TMEM8B: variants seen among roughly 807,000 people sequenced by gnomAD.
TMEM8B encodes the protein nasopharyngeal carcinoma expressed 6.
In TMEM8B, 29 loss-of-function variants were observed where a neutral mutation model predicts 49.3. The ratio of observed to expected loss-of-function variants is 0.59; its 90% CI spans 0.44 to 0.80. TMEM8B has a LOEUF of 0.80. Among genes scored for constraint, TMEM8B ranks in the 30% least tolerant of loss-of-function variants. The probability of loss-of-function intolerance (pLI) is 0.00; values close to 1 mark genes in which losing one functional copy is unlikely to be tolerated. For synonymous variants in TMEM8B, 264 were observed against 272.8 expected, an observed-to-expected ratio of 0.97 and a Z score of 0.32; for missense variants, 575 against 658.5, an observed-to-expected ratio of 0.87 and a Z score of 1.39.
intron 1 of TMEM8B, among the ~76,000 whole-genome samples, chr9:35,834,031 TACACACACACACACACACACAC>T (rs377460934): frequency 3.6e-5 from 5 of 138,322 alleles, no homozygotes; most frequent in Non-Finnish European, 6.2e-5. Flanking sequence ...CATGCCAAAA[TACACACACACACACACACACAC>T]ACACACACAC....
intron 3 of TMEM8B, among the ~76,000 whole-genome samples, chr9:35,836,644 C>A (rs1369846413): frequency 6.6e-6 from 1 of 152,062 alleles, no homozygotes; most frequent in Non-Finnish European, 1.5e-5. Context: ...CAGAGAAAAG[C>A]TGCTCAGACC....
intron 1 of TMEM8B, among the ~76,000 whole-genome samples, chr9:35,831,264 A>C (rs1415721541): frequency 1.3e-5 from 2 of 152,106 alleles, no homozygotes; most frequent in Non-Finnish European, 2.9e-5. Context: ...CATGTGAGCC[A>C]GTGTATCTTC....
Position 35,856,308 on chromosome 9 carries a change from TGGAGAG to T in TMEM8B, c.*2472_*2477del, listed in dbSNP as rs1250563007. 6.6e-6 allele frequency: 1 copy of T among 152,290 alleles called. No individual in the cohort carries two copies. Among genetic ancestry groups the T allele is most frequent in the African/African-American group, 2.4e-5 (1 of 41,404 alleles). 9.4% of individuals were successfully genotyped at this position (152,290 alleles called of 1,614,324 possible). A position where few individuals can be genotyped will look rare whatever the true frequency, so the allele number is the denominator to read the frequency against. On this transcript the variant is annotated 3_prime_UTR_variant, in exon 13 of 13. Transcript: ENST00000643932. ...CTTAAGGTCACCACGTGTTTGGACA[TGGAGAG>T]GGAACAGCAAGGGGGAATGCAGAGG...
chr9:35,859,188 T>A lies in TMEM8B; in HGVS notation c.*5348T>A, dbSNP rs1435916040. On this transcript the variant is annotated 3_prime_UTR_variant, in exon 13 of 13. Coordinates refer to ENST00000643932, the MANE Select transcript of TMEM8B (RefSeq NM_001042590.4). ...GAACAATGCGACAGTCTTATCCACG[T>A]TGGGATCCTTGGCCTTGGGTTTGAA... 1 of 154,122 alleles carries A rather than the reference T, an allele frequency of 6.5e-6. No individual in the cohort carries two copies. The highest frequency in any genetic ancestry group is 2.4e-5 in the African/African-American group (1 of 41,474). 9.5% of individuals were successfully genotyped at this position (154,122 alleles called of 1,614,324 possible).
At chr9:35,849,678 T>C (rs1399149539) in intron 10 of TMEM8B, among the ~76,000 whole-genome samples, 2 of 152,236 alleles carry the variant, frequency 1.3e-5, no homozygotes, top group Non-Finnish European at 2.9e-5. Flanking sequence ...TTGATATGCT[T>C]TTAACCCAAC....
intron 3 of TMEM8B, among the ~76,000 whole-genome samples, chr9:35,837,635 C>T (rs886975854): frequency 3.3e-5 from 5 of 152,146 alleles, no homozygotes; most frequent in Non-Finnish European, 5.9e-5. Flanking sequence ...TTACCTGGTC[C>T]GGGCCACCCT....
intron 6 of TMEM8B, among the ~76,000 whole-genome samples, chr9:35,844,774 C>T (rs1361295270): frequency 2.0e-5 from 3 of 152,234 alleles, no homozygotes; most frequent in African/African-American, 7.2e-5. Flanking sequence ...TGCAGCCCCT[C>T]ACCCTTTCCC....
Position 35,863,277 on chromosome 9 carries a change from TG to T in TMEM8B, c.*9440del, listed in dbSNP as rs1293081743. 4 of 152,326 alleles carry T rather than the reference TG, an allele frequency of 2.6e-5. No individual in the cohort carries two copies. The highest frequency in any genetic ancestry group is 9.6e-5 in the African/African-American group (4 of 41,574). The allele number at this position is 152,326 out of a possible 1,614,324, so 9.4% of individuals were successfully genotyped here. A position where few individuals can be genotyped will look rare whatever the true frequency, so the allele number is the denominator to read the frequency against. On this transcript the variant is annotated 3_prime_UTR_variant, in exon 13 of 13. Transcript: ENST00000643932. ...ATTGTGATTGCTAGGAGAAGGGCTT[TG>T]GGCAGTGCCAGTCTCCTGTTTGCAG...
chr9:35,835,022 C>T lies in TMEM8B; in HGVS notation c.710C>T (p.Ser237Phe), dbSNP rs1830310111. 3 of 415,612 alleles carry T rather than the reference C, an allele frequency of 7.2e-6. No individual in the cohort carries two copies. The highest frequency in any genetic ancestry group is 1.3e-5 in the Non-Finnish European group (3 of 226,418). The allele number at this position is 415,612 out of a possible 1,614,324, so 25.7% of individuals were successfully genotyped here. Residue 237 changes from serine to phenylalanine, a missense_variant, in exon 3 of 13, where the codon TCC becomes TTC. Physicochemically the swap from Ser to Phe is radical, Grantham distance 155 (BLOSUM62 -2). Coordinates refer to ENST00000643932, the MANE Select transcript of TMEM8B (RefSeq NM_001042590.4). ...TTCTGGTCCCCCAGGTATTTCCGGTCCGGGGCACCCCCTGTCATCAATCCC... is the reference window on the plus strand; with the variant it reads ...TTCTGGTCCCCCAGGTATTTCCGGTTCGGGGCACCCCCTGTCATCAATCCC... ...PDQSVTVYFR[S>F]GAPPVINPLH...
At chr9:35,838,548 T>C (rs772548886) in intron 3 of TMEM8B, among the ~76,000 whole-genome samples, 4 of 152,134 alleles carry the variant, frequency 2.6e-5, no homozygotes, top group Non-Finnish European at 5.9e-5. Context: ...ATGTTAATGC[T>C]TCCACGAGTA....
chr9:35,841,616 T>C lies in TMEM8B; in HGVS notation c.1131T>C (p.Arg377=). The C allele has an allele frequency of 2.4e-6, 1 of 416,380 alleles. No individual in the cohort carries two copies. Among genetic ancestry groups the C allele is most frequent in the South Asian group, 1.2e-4 (1 of 8,020 alleles). 25.8% of individuals were successfully genotyped at this position (416,380 alleles called of 1,614,324 possible). A position where few individuals can be genotyped will look rare whatever the true frequency, so the allele number is the denominator to read the frequency against. Residue 377 remains arginine, a synonymous_variant, in exon 5 of 13, where the codon CGT becomes CGC. Transcript: ENST00000643932. The surrounding 1 kb of genome is among the most constrained non-coding windows in gnomAD (Gnocchi z 5.9). ...TATCTGCCTGCCCCCTGTCACTGCGTCTGCGTCCCAAAGCCCCACCCCTGC... is the reference window on the plus strand; with the variant it reads ...TATCTGCCTGCCCCCTGTCACTGCGCCTGCGTCCCAAAGCCCCACCCCTGC... ...RGVSACPLSL[R]LRPKAPPLHN...
chr9:35,848,682 T>C (rs1239178877), intron 10 of TMEM8B, among the ~76,000 whole-genome samples: 4 of 149,892 alleles, frequency 2.7e-5, no homozygotes, highest in Non-Finnish European at 4.5e-5. Flanking sequence ...TTTCTTTTTT[T>C]TTTTTTTTTT....
At chr9:35,833,464 C>T (rs1264929508) in intron 1 of TMEM8B, 3 of 603,070 alleles carry the variant, frequency 5.0e-6, no homozygotes, top group African/African-American at 4.0e-5. Context: ...TACTGGTTGC[C>T]TCCACTGTGA....
chr9:35,842,638 G>A lies in TMEM8B; in HGVS notation c.1556G>A (p.Arg519His), dbSNP rs150530357. 86 of 1,614,132 alleles carry A rather than the reference G, an allele frequency of 5.3e-5. No individual in the cohort carries two copies. The highest frequency in any genetic ancestry group is 1.6e-4 in the Middle Eastern group (1 of 6,062). The change falls in exon 6 of 13, where the codon CGC (arginine) becomes CAC (histidine). Residue 519 changes from arginine (R) to histidine (H), a missense_variant. By Grantham distance (29) the Arg-to-His change is conservative. Transcript: ENST00000643932. The surrounding 1 kb of genome is among the most constrained non-coding windows in gnomAD (Gnocchi z 5.6). ...FGPSVALPPE[R>H]PAVFAMRLLP... is the part of the protein sequence containing the mutation. Reference sequence around the variant, plus strand: ...CCAAGTGTGGCCCTTCCCCCTGAGCGCCCAGCCGTGTTCGCCATGAGGCTG... The same window carrying A: ...CCAAGTGTGGCCCTTCCCCCTGAGCACCCAGCCGTGTTCGCCATGAGGCTG...
chr9:35,831,389 G>A (rs1258581724), intron 1 of TMEM8B, among the ~76,000 whole-genome samples: 1 of 152,154 alleles, frequency 6.6e-6, no homozygotes, highest in African/African-American at 2.4e-5. Context: ...GAATGGGGCT[G>A]GAGACCCTTT....
Position 35,841,257 on chromosome 9 carries a change from G to C in TMEM8B, c.1030G>C (p.Ala344Pro). 2.4e-6 allele frequency: 1 copy of C among 416,194 alleles called. No homozygotes were observed. Among genetic ancestry groups the C allele is most frequent in the East Asian group, 3.6e-5 (1 of 28,062 alleles). The allele number at this position is 416,194 out of a possible 1,614,324, so 25.8% of individuals were successfully genotyped here. The change falls in exon 4 of 13, where the codon GCC (alanine) becomes CCC (proline). Residue 344 changes from alanine to proline, a missense_variant. Transcript: ENST00000643932. The surrounding 1 kb of genome is among the most constrained non-coding windows in gnomAD (Gnocchi z 5.9). Reference protein sequence around the residue: ...EQTLSPHNRSALYKVFVPSFT... With the variant: ...EQTLSPHNRSPLYKVFVPSFT... ...AACCCTCTCCCCACACAATCGCTCA[G>C]CCCTGTACAAGTAAGTCAAAGACTC...
At position 35,829,548 on chromosome 9, in the gene TMEM8B, C is replaced by T. The variant is rs527695038; in HGVS notation, c.101C>T (p.Pro34Leu). 1,502 of 398,982 alleles carry T rather than the reference C, an allele frequency of 3.8e-3. 4 individuals carry two copies. The highest frequency in any genetic ancestry group is 4.8e-3 in the Non-Finnish European group (1,096 of 226,226). 24.7% of individuals were successfully genotyped at this position (398,982 alleles called of 1,614,324 possible). A position where few individuals can be genotyped will look rare whatever the true frequency, so the allele number is the denominator to read the frequency against. ...PRFPHRPQPL[P>L]GSPSRTPFQS... ...TTCCCACATCGGCCCCAGCCCCTGC[C>T]TGGGTCCCCATCCAGGACCCCCTTC... Residue 34 changes from proline to leucine, a missense_variant, in exon 1 of 13, where the codon CCT becomes CTT. By Grantham distance (98) the Pro-to-Leu change is moderately conservative. Coordinates refer to ENST00000643932, the MANE Select transcript of TMEM8B (RefSeq NM_001042590.4).
Position 35,842,845 on chromosome 9 carries a change from G to C in TMEM8B, c.1635+128G>C. On this transcript the variant is annotated intron_variant, in intron 6 of 12. Coordinates refer to ENST00000643932, the MANE Select transcript of TMEM8B (RefSeq NM_001042590.4). This position sits in a 1 kb window ranked among gnomAD's most constrained non-coding sequence, Gnocchi z 5.6. The stretch of plus-strand genomic sequence containing the variant: ...TTGCTCCCACCCATCCTGACAATTA[G>C]GGACCATGGCTCAGCCCAATTCTGG... 1 of 982,980 alleles carries C rather than the reference G, an allele frequency of 1.0e-6. No homozygotes were observed. Among genetic ancestry groups the C allele is most frequent in the Non-Finnish European group, 1.5e-6 (1 of 686,068 alleles). 60.9% of individuals were successfully genotyped at this position (982,980 alleles called of 1,614,324 possible).
Position 35,829,410 on chromosome 9 carries a change from C to T in TMEM8B, c.-38C>T, listed in dbSNP as rs932322429. 5.8e-6 allele frequency: 2 copies of T among 345,980 alleles called. No individual in the cohort carries two copies. The highest frequency in any genetic ancestry group is 2.2e-5 in the African/African-American group (1 of 46,204). The allele number at this position is 345,980 out of a possible 1,614,324, so 21.4% of individuals were successfully genotyped here. On this transcript the variant is annotated 5_prime_UTR_variant, in exon 1 of 13. Transcript: ENST00000643932. Reference sequence around the variant, plus strand: ...GCCGCGGGCCAGCTCTGCGAGCGCCCCGCGCTGGCCTGTCCGGCCCCGCCC... The same window carrying T: ...GCCGCGGGCCAGCTCTGCGAGCGCCTCGCGCTGGCCTGTCCGGCCCCGCCC...
Sources: allele counts gnomAD v4.1 joint callset (sites outside exome capture counted in the v4.1 genomes callset), GRCh38; gene constraint gnomAD v4.1.1; non-coding constraint Gnocchi (gnomAD v3.1); transcripts MANE v1.5; gene names NCBI Gene and HGNC (gene_info 2026-07-23, HGNC 2026-07-21).